Variants in CFAP61 observed in about 807,000 individuals in gnomAD.
The protein encoded by CFAP61 is cilia and flagella associated protein 61.
A neutral mutation model predicts 135.6 loss-of-function variants in CFAP61; 107 were observed. That is an observed-to-expected ratio of 0.79 (90% CI 0.67 to 0.93). CFAP61 has a LOEUF of 0.93. Among genes scored for constraint, CFAP61 ranks in the 40% least tolerant of loss-of-function variants. The probability of loss-of-function intolerance (pLI) is 0.00; values close to 1 mark genes in which losing one functional copy is unlikely to be tolerated. For missense variants in CFAP61, 1,507 were observed against 1,556.2 expected (o/e 0.97, Z 0.53); for synonymous variants, 575 against 578.5 (o/e 0.99, Z 0.09).
Position 20,335,585 on chromosome 20 carries a change from G to A in CFAP61, c.3423-6246G>A, listed in dbSNP as rs890903177. On this transcript the variant is annotated intron_variant, in intron 25 of 26. Coordinates refer to ENST00000245957, the MANE Select transcript of CFAP61 (RefSeq NM_015585.4). Reference sequence around the variant, plus strand: ...CCATACTTCATCCCAGAACATATATGTGATGGCTGGAGCTCAGCAGCCATT... The same window carrying A: ...CCATACTTCATCCCAGAACATATATATGATGGCTGGAGCTCAGCAGCCATT... Among the ~76,000 whole-genome samples, 6 of 152,134 alleles carry A rather than the reference G, an allele frequency of 3.9e-5. No individual in the cohort carries two copies. The South Asian group carries it at 6.2e-4, about 16-fold the overall frequency.
At chr20:20,331,435 A>T (rs1488176940) in intron 25 of CFAP61, among the ~76,000 whole-genome samples, 1 of 152,176 alleles carries the variant, frequency 6.6e-6, no homozygotes, top group Non-Finnish European at 1.5e-5. Flanking sequence ...TTAGAAAAAA[A>T]AAAAAAGGAA....
At chr20:20,187,630 C>T (rs2055606312) in intron 13 of CFAP61, among the ~76,000 whole-genome samples, 1 of 152,128 alleles carries the variant, frequency 6.6e-6, no homozygotes, top group Admixed American at 6.5e-5. Context: ...AGGATTTTGA[C>T]TCTGTTTATG....
At chr20:20,261,391 T>G (rs548992607) in intron 20 of CFAP61, among the ~76,000 whole-genome samples, 1 of 152,308 alleles carries the variant, frequency 6.6e-6, no homozygotes, top group South Asian at 2.1e-4. Context: ...GCAAGTAAAC[T>G]TATTGCCTGT....
chr20:20,096,765 G>A (rs536318297), intron 7 of CFAP61, among the ~76,000 whole-genome samples: 2 of 152,180 alleles, frequency 1.3e-5, no homozygotes, highest in South Asian at 2.1e-4. Flanking sequence ...AGACAACTGC[G>A]GCTATGCAGC....
intron 25 of CFAP61, among the ~76,000 whole-genome samples, chr20:20,299,216 T>C (rs903300192): frequency 6.6e-6 from 1 of 152,214 alleles, no homozygotes; most frequent in Non-Finnish European, 1.5e-5. Flanking sequence ...TATGGACACT[T>C]AAAAGTACTG....
chr20:20,203,749 T>G (rs1316567910), intron 17 of CFAP61, among the ~76,000 whole-genome samples: 1 of 152,190 alleles, frequency 6.6e-6, no homozygotes, highest in Non-Finnish European at 1.5e-5. Context: ...CTGTTTTCTT[T>G]CCTTTCTGCC....
At chr20:20,266,256 T>A (rs1288648604) in intron 21 of CFAP61, among the ~76,000 whole-genome samples, 16 of 152,240 alleles carry the variant, frequency 1.1e-4, no homozygotes, top group Non-Finnish European at 1.9e-4. Context: ...TGAGTTTCAT[T>A]GCTGGGCTTT....
Position 20,164,097 on chromosome 20 carries a change from C to T in CFAP61, c.1074C>T (p.His358=), listed in dbSNP as rs1200698701. ...SDISTGYAQY[H]HVSSRSLASL... ...TCTCCACTGGATATGCACAGTATCA[C>T]CATGTCAGCAGTAGGAGCTTGGCAT... The change falls in exon 11 of 27, where the codon CAC becomes CAT. Residue 358 remains histidine (H), a synonymous_variant. Coordinates refer to ENST00000245957, the MANE Select transcript of CFAP61 (RefSeq NM_015585.4). The T allele has an allele frequency of 6.2e-7, 1 of 1,614,028 alleles. No homozygotes were observed. The highest frequency in any genetic ancestry group is 1.1e-5 in the South Asian group (1 of 91,064).
chr20:20,248,791 G>A (rs988542396), intron 19 of CFAP61, among the ~76,000 whole-genome samples: 20 of 152,152 alleles, frequency 1.3e-4, no homozygotes, highest in African/African-American at 4.1e-4. Flanking sequence ...CTGGAGCTTT[G>A]GACTAGGCTT....
At chr20:20,103,995 G>T (rs529784882) in intron 8 of CFAP61, among the ~76,000 whole-genome samples, 2 of 152,300 alleles carry the variant, frequency 1.3e-5, no homozygotes, top group African/African-American at 4.8e-5. Context: ...AAAGACTCCT[G>T]CAAGGTTCCG....
intron 24 of CFAP61, among the ~76,000 whole-genome samples, chr20:20,291,794 T>G (rs1569252102): frequency 6.6e-6 from 1 of 152,176 alleles, no homozygotes; most frequent in Non-Finnish European, 1.5e-5. Context: ...CTAATAAGAT[T>G]CTCTGACCCA....
At chr20:20,234,114 A>T (rs926756422) in intron 18 of CFAP61, among the ~76,000 whole-genome samples, 1 of 152,204 alleles carries the variant, frequency 6.6e-6, no homozygotes, top group African/African-American at 2.4e-5. Context: ...GCATTTGGAT[A>T]CAAGTAGTTT....
At chr20:20,340,122 C>T (rs2058379577) in intron 25 of CFAP61, among the ~76,000 whole-genome samples, 1 of 152,170 alleles carries the variant, frequency 6.6e-6, no homozygotes, top group Admixed American at 6.5e-5. Context: ...CAGCCCTGGG[C>T]CAGCCATCAT....
intron 6 of CFAP61, among the ~76,000 whole-genome samples, chr20:20,080,501 A>G (rs12479547): frequency 0.033 from 5,084 of 152,324 alleles, 136 homozygotes; most frequent in South Asian, 0.065. Context: ...AGCATTGTAC[A>G]TATATCATCC....
chr20:20,142,287 C>T (rs1437070952), intron 8 of CFAP61, among the ~76,000 whole-genome samples: 2 of 152,138 alleles, frequency 1.3e-5, no homozygotes, highest in South Asian at 2.1e-4. Flanking sequence ...ATTTCTATTA[C>T]GAAATAGAAA....
At chr20:20,296,569 T>C (rs2055644315) in intron 24 of CFAP61, among the ~76,000 whole-genome samples, 1 of 151,390 alleles carries the variant, frequency 6.6e-6, no homozygotes. Context: ...TTCCTTGCCA[T>C]GCCACAGCCT....
At chr20:20,303,080 A>G (rs894432113) in intron 25 of CFAP61, among the ~76,000 whole-genome samples, 2 of 152,224 alleles carry the variant, frequency 1.3e-5, no homozygotes, top group African/African-American at 4.8e-5. Flanking sequence ...TCACTTATAT[A>G]TAGGATTTTC....
At position 20,355,066 on chromosome 20, in the gene CFAP61, G is replaced by A. The variant is rs370661629; in HGVS notation, c.3514-5144G>A. On this transcript the variant is annotated intron_variant, in intron 26 of 26. Coordinates refer to ENST00000245957, the MANE Select transcript of CFAP61 (RefSeq NM_015585.4). ...GAGGTGGTCACACTGTGAGAGGGAA[G>A]GTGGTCACACTGTGAGAGGGAAGGT... Among the ~76,000 whole-genome samples, 763 of 146,728 alleles carry A rather than the reference G, an allele frequency of 5.2e-3. 8 individuals carry two copies. The highest frequency in any genetic ancestry group is 0.017 in the African/African-American group (679 of 39,256).
Position 20,056,657 on chromosome 20 carries a change from T to G in CFAP61, c.4T>G (p.Ser2Ala), listed in dbSNP as rs543609985. ...TCTTTTGGGGACAGGATAAAAAATG[T>G]CAGTACTCACTTCTCCAAGAGGAAA... M[S>A]VLTSPRGKVE... The change falls in exon 2 of 27, where the codon TCA (serine) becomes GCA (alanine). Residue 2 changes from serine (S) to alanine (A), a missense_variant. Ser to Ala is a moderately conservative substitution (Grantham distance 99). Transcript: ENST00000245957. 4 of 1,614,098 alleles carry G rather than the reference T, an allele frequency of 2.5e-6. No homozygotes were observed. The Admixed American group carries it at 6.7e-5, about 27-fold the overall frequency.
Sources: allele counts gnomAD v4.1 joint callset (sites outside exome capture counted in the v4.1 genomes callset), GRCh38; gene constraint gnomAD v4.1.1; transcripts MANE v1.5; gene names NCBI Gene and HGNC (gene_info 2026-07-23, HGNC 2026-07-21).